Variants in PALM2AKAP2 observed in about 807,000 individuals in gnomAD.
PALM2AKAP2 encodes PALM2 and AKAP2 fusion.
PALM2AKAP2 carries 37 observed loss-of-function variants against 71.5 expected under a neutral mutation model. The ratio of observed to expected loss-of-function variants is 0.52; its 90% CI spans 0.40 to 0.68. The LOEUF is 0.68. PALM2AKAP2 is among the 30% of genes least tolerant of loss of function. The pLI is 0.00. For missense variants in PALM2AKAP2, 1,224 were observed against 1,191.8 expected (o/e 1.03, Z -0.40); for synonymous variants, 468 against 478.8 (o/e 0.98, Z 0.29).
At chr9:110,063,102 C>T (rs1363356049) in intron 1 of PALM2AKAP2, among the ~76,000 whole-genome samples, 1 of 152,172 alleles carries the variant, frequency 6.6e-6, no homozygotes, top group Non-Finnish European at 1.5e-5. Flanking sequence ...TTTTCCTCTG[C>T]CCCTTTTGTT....
At chr9:110,052,986 A>C (rs1295032855) in intron 1 of PALM2AKAP2, among the ~76,000 whole-genome samples, 1 of 152,200 alleles carries the variant, frequency 6.6e-6, no homozygotes, top group Non-Finnish European at 1.5e-5. Flanking sequence ...AAAAGGATCG[A>C]GTCTCTCTTT....
At chr9:109,714,053 TA>T (rs890643933) in intron 1 of PALM2AKAP2, among the ~76,000 whole-genome samples, 15 of 152,250 alleles carry the variant, frequency 9.9e-5, no homozygotes, top group African/African-American at 2.9e-4. Context: ...GTCTATTAAT[TA>T]AAAAAAATTA....
chr9:110,107,314 G>C (rs1405785605), intron 1 of PALM2AKAP2, among the ~76,000 whole-genome samples: 1 of 152,122 alleles, frequency 6.6e-6, no homozygotes, highest in East Asian at 1.9e-4. Context: ...GATCTGATCA[G>C]TATGCATTGT....
intron 1 of PALM2AKAP2, among the ~76,000 whole-genome samples, chr9:109,750,571 CGTGTGTGT>C (rs111708702): frequency 6.8e-6 from 1 of 147,204 alleles, no homozygotes; most frequent in African/African-American, 2.5e-5. Context: ...TGCCCTAGGA[CGTGTGTGT>C]GTGTGTGTGT....
chr9:109,892,325 C>A (rs958756547), intron 3 of PALM2AKAP2, among the ~76,000 whole-genome samples: 1 of 152,128 alleles, frequency 6.6e-6, no homozygotes, highest in African/African-American at 2.4e-5. Flanking sequence ...TCTCCTTTGT[C>A]TCTCATAAAG....
chr9:110,045,440 C>A (rs1033746891), upstream of PALM2AKAP2, among the ~76,000 whole-genome samples: 13 of 152,258 alleles, frequency 8.5e-5, no homozygotes, highest in African/African-American at 2.9e-4. Flanking sequence ...GCTAACCTTG[C>A]CCATTGCCAG....
At chr9:110,014,937 C>T (rs1832953719) in intron 6 of PALM2AKAP2, among the ~76,000 whole-genome samples, 1 of 147,624 alleles carries the variant, frequency 6.8e-6, no homozygotes. Context: ...ATAACTGCAT[C>T]TGAATTAGTA....
At chr9:110,138,025 T>A (rs369794568) in exon 2 of PALM2AKAP2, 1 of 1,613,786 alleles carries the variant, frequency 6.2e-7, no homozygotes, top group Non-Finnish European at 8.5e-7. Flanking sequence ...CCAGCAGGGA[T>A]GGAGCAGAGC....
chr9:109,885,104 A>T (rs982870762), intron 3 of PALM2AKAP2, among the ~76,000 whole-genome samples: 1 of 152,268 alleles, frequency 6.6e-6, no homozygotes, highest in Non-Finnish European at 1.5e-5. Context: ...AAGAAAGAAC[A>T]TAATCACCTT....
intron 1 of PALM2AKAP2, among the ~76,000 whole-genome samples, chr9:109,745,655 C>T (rs1238069740): frequency 6.6e-6 from 1 of 152,176 alleles, no homozygotes; most frequent in Non-Finnish European, 1.5e-5. Flanking sequence ...GTCATCAACA[C>T]TATGAATAGT....
intron 1 of PALM2AKAP2, among the ~76,000 whole-genome samples, chr9:109,798,991 G>A (rs936716367): frequency 5.9e-5 from 9 of 152,112 alleles, no homozygotes; most frequent in African/African-American, 1.2e-4. Context: ...ACTGTTGTGC[G>A]GACCATGCAA....
chr9:110,118,009 GTA>G (rs1835404624), intron 1 of PALM2AKAP2, among the ~76,000 whole-genome samples: 1 of 149,838 alleles, frequency 6.7e-6, no homozygotes, highest in Non-Finnish European at 1.5e-5. Flanking sequence ...GTGTGTGTGT[GTA>G]TGTAGTTCTA....
At chr9:109,693,888 A>G (rs1827931477) in intron 1 of PALM2AKAP2, among the ~76,000 whole-genome samples, 1 of 152,070 alleles carries the variant, frequency 6.6e-6, no homozygotes, top group Non-Finnish European at 1.5e-5. Context: ...TGAAATGAAT[A>G]TACATTCTAC....
intron 6 of PALM2AKAP2, among the ~76,000 whole-genome samples, chr9:110,015,221 T>C (rs1198571615): frequency 1.3e-5 from 2 of 152,160 alleles, no homozygotes; most frequent in Non-Finnish European, 1.5e-5. Flanking sequence ...GGGTATTGAA[T>C]TAGATGTGTG....
chr9:109,736,824 A>G (rs141982154), intron 1 of PALM2AKAP2, among the ~76,000 whole-genome samples: 123 of 152,202 alleles, frequency 8.1e-4, no homozygotes, highest in African/African-American at 2.9e-3. Flanking sequence ...TTTGACTGCC[A>G]TTTTCTGAAG....
chr9:109,910,050 AT>A (rs1564205902), intron 3 of PALM2AKAP2, among the ~76,000 whole-genome samples: 1 of 152,234 alleles, frequency 6.6e-6, no homozygotes, highest in African/African-American at 2.4e-5. Context: ...GAGAGAGCCT[AT>A]ACTAGGGCTG....
At chr9:109,959,828 A>G (rs1261300504) in intron 6 of PALM2AKAP2, among the ~76,000 whole-genome samples, 1 of 152,044 alleles carries the variant, frequency 6.6e-6, no homozygotes, top group African/African-American at 2.4e-5. Flanking sequence ...TGAATGTTGG[A>G]AGGAGACGTG....
chr9:109,690,192 A>G (rs1827862523), intron 1 of PALM2AKAP2, among the ~76,000 whole-genome samples: 1 of 152,200 alleles, frequency 6.6e-6, no homozygotes, highest in African/African-American at 2.4e-5. Flanking sequence ...TGGTTTATAT[A>G]CAAGATAATG....
At chr9:109,756,400 G>A (rs1828964534) in intron 1 of PALM2AKAP2, among the ~76,000 whole-genome samples, 1 of 152,104 alleles carries the variant, frequency 6.6e-6, no homozygotes, top group African/African-American at 2.4e-5. Flanking sequence ...ATTCATAAGG[G>A]CTGAACTGTT....
Sources: allele counts gnomAD v4.1 joint callset (sites outside exome capture counted in the v4.1 genomes callset), GRCh38; gene constraint gnomAD v4.1.1; transcripts MANE v1.5; gene names NCBI Gene and HGNC (gene_info 2026-07-23, HGNC 2026-07-21).